Variants in CRB1 observed in about 807,000 individuals in gnomAD.
CRB1 encodes crumbs cell polarity complex component 1.
A neutral mutation model predicts 120.0 loss-of-function variants in CRB1; 83 were observed. The observed-to-expected ratio is 0.69, with a 90% CI of 0.58 to 0.83. CRB1 has a LOEUF of 0.83. Among genes scored for constraint, CRB1 ranks in the 40% least tolerant of loss-of-function variants. The pLI is 0.00. For synonymous variants in CRB1, 625 were observed against 612.5 expected (o/e 1.02, Z -0.30); for missense variants, 1,699 against 1,687.6 (o/e 1.01, Z -0.12).
At chr1:197,244,895 A>G in the CRB1 span, among the ~76,000 whole-genome samples, 1,012 of 151,726 alleles carry the variant, frequency 6.7e-3, 8 homozygotes, top group African/African-American at 0.023. Flanking sequence ...AGATTGGACA[A>G]TTTCTATTGT....
At chr1:197,271,114 G>A (rs1239477857) in intron 1 of CRB1, among the ~76,000 whole-genome samples, 2 of 152,018 alleles carry the variant, frequency 1.3e-5, no homozygotes, top group African/African-American at 2.4e-5. Context: ...TGGGAGGATC[G>A]CTTGAGACTG....
intron 1 of CRB1, among the ~76,000 whole-genome samples, chr1:197,271,347 C>A (rs1391826712): frequency 6.6e-6 from 1 of 152,140 alleles, no homozygotes; most frequent in East Asian, 1.9e-4. Context: ...TATTTTGTAT[C>A]TAAAGTTCTA....
the CRB1 span, among the ~76,000 whole-genome samples, chr1:197,217,018 T>A: frequency 6.6e-6 from 1 of 151,894 alleles, no homozygotes; most frequent in East Asian, 1.9e-4. Context: ...CTAGAATATA[T>A]AAAGAACTCT....
intron 2 of CRB1, among the ~76,000 whole-genome samples, chr1:197,338,911 C>T (rs901882768): frequency 6.6e-6 from 1 of 152,048 alleles, no homozygotes; most frequent in African/African-American, 2.4e-5. Flanking sequence ...TAACAAGAGG[C>T]TAAGGCACTG....
At chr1:197,375,178 C>G (rs140576502) in intron 5 of CRB1, among the ~76,000 whole-genome samples, 1 of 152,094 alleles carries the variant, frequency 6.6e-6, no homozygotes, top group Non-Finnish European at 1.5e-5. Context: ...AATGAGTTAG[C>G]CTGTTACTGT....
At chr1:197,208,842 C>T in the CRB1 span, among the ~76,000 whole-genome samples, 1 of 152,004 alleles carries the variant, frequency 6.6e-6, no homozygotes, top group Non-Finnish European at 1.5e-5. Context: ...AGAGAAAGAC[C>T]ATCAGGTGGG....
chr1:197,472,128 G>T (rs1193004538), intron 11 of CRB1, among the ~76,000 whole-genome samples: 1 of 152,298 alleles, frequency 6.6e-6, no homozygotes. Context: ...TACACACACA[G>T]ACACAACTAG....
intron 1 of CRB1, among the ~76,000 whole-genome samples, chr1:197,297,551 T>C (rs1458045160): frequency 6.6e-6 from 1 of 151,984 alleles, no homozygotes; most frequent in Non-Finnish European, 1.5e-5. Context: ...TGTTTGCAAG[T>C]TGAGTTAGAA....
At chr1:197,275,412 G>T (rs886117736) in intron 1 of CRB1, among the ~76,000 whole-genome samples, 1 of 152,036 alleles carries the variant, frequency 6.6e-6, no homozygotes, top group Admixed American at 6.6e-5. Flanking sequence ...CATAGTAAGT[G>T]CTTGGTAAAT....
rs1218091828 is a variant in CRB1, at chr1:197,421,761, G to A, written c.1933G>A (p.Asp645Asn). 2 of 1,614,116 alleles carry A rather than the reference G, an allele frequency of 1.2e-6. No individual in the cohort carries two copies. The highest frequency in any genetic ancestry group is 1.7e-5 in the Admixed American group (1 of 60,016). Residue 645 changes from aspartate (D) to asparagine (N), a missense_variant, in exon 6 of 12, where the codon GAC (aspartate) becomes AAC (asparagine). Transcript: ENST00000367400. ...STPSFVGCLQ[D>N]IKIDWNHITL... ...ACCTTCGTTTGTAGGCTGTCTCCAA[G>A]ACATTAAAATTGATTGGAATCACAT...
At chr1:197,217,769 C>T in the CRB1 span, among the ~76,000 whole-genome samples, 1 of 152,062 alleles carries the variant, frequency 6.6e-6, no homozygotes, top group Non-Finnish European at 1.5e-5. Context: ...CACAAACATA[C>T]TAAAATCCAT....
At chr1:197,349,023 C>T (rs144856539) in intron 4 of CRB1, among the ~76,000 whole-genome samples, 2,171 of 152,282 alleles carry the variant, frequency 0.014, 29 homozygotes, top group Non-Finnish European at 0.019. Context: ...CTCATTGACT[C>T]TCAAGAGCAA....
At chr1:197,287,655 T>C (rs1197971372) in intron 1 of CRB1, among the ~76,000 whole-genome samples, 1 of 151,782 alleles carries the variant, frequency 6.6e-6, no homozygotes, top group African/African-American at 2.4e-5. Context: ...AATTTCCTCA[T>C]GTGCAGTTTA....
rs3790371 is a variant in CRB1 at position 197,339,302 on chromosome 1, G to T, written c.653-4979G>T. ...AGATTGACTATAATATCTAGGAGGA[G>T]AACTTACTGTAAATCTATCACTATA... On this transcript the variant is annotated intron_variant, in intron 2 of 11. Coordinates refer to ENST00000367400, the MANE Select transcript of CRB1 (RefSeq NM_201253.3). Among the ~76,000 whole-genome samples, 554 of 152,252 alleles carry T rather than the reference G, an allele frequency of 3.6e-3. 26 individuals are homozygous for T. In the East Asian group the frequency reaches 0.084, roughly 23 times the overall value.
intron 4 of CRB1, among the ~76,000 whole-genome samples, chr1:197,349,423 A>G (rs1659962200): frequency 6.6e-6 from 1 of 152,234 alleles, no homozygotes; most frequent in Non-Finnish European, 1.5e-5. Flanking sequence ...TAAAAGACAC[A>G]GCATCTCCTA....
chr1:197,372,224 G>A (rs1489422218), intron 5 of CRB1, among the ~76,000 whole-genome samples: 1 of 152,116 alleles, frequency 6.6e-6, no homozygotes, highest in East Asian at 1.9e-4. Context: ...TCAGCCAATT[G>A]TACATAAGTC....
chr1:197,266,945 A>G (rs1324717593), upstream of CRB1, among the ~76,000 whole-genome samples: 1 of 152,160 alleles, frequency 6.6e-6, no homozygotes, highest in Non-Finnish European at 1.5e-5. Context: ...AAGTTGGTTC[A>G]GTATGTAGAT....
chr1:197,211,895 G>A, the CRB1 span, among the ~76,000 whole-genome samples: 1 of 151,568 alleles, frequency 6.6e-6, no homozygotes, highest in South Asian at 2.1e-4. Context: ...ATCTGGCAAA[G>A]AACTTACATC....
At chr1:197,357,438 T>A (rs1660548186) in intron 5 of CRB1, 1 of 244,952 alleles carries the variant, frequency 4.1e-6, no homozygotes, top group African/African-American at 2.3e-5. Flanking sequence ...CCTCAACGAT[T>A]CTGTAGCTAA....
Sources: allele counts gnomAD v4.1 joint callset (sites outside exome capture counted in the v4.1 genomes callset), GRCh38; gene constraint gnomAD v4.1.1; transcripts MANE v1.5; gene names NCBI Gene and HGNC (gene_info 2026-07-23, HGNC 2026-07-21).